CNKSR2: variants seen among roughly 807,000 people sequenced by gnomAD.
The protein encoded by CNKSR2 is CNK homolog protein 2.
Under a neutral mutation model 84.4 loss-of-function variants are expected in CNKSR2, and 14 were observed. The observed-to-expected ratio is 0.17, with a 90% CI of 0.11 to 0.26. CNKSR2 has a LOEUF of 0.26. Ranked by LOEUF, CNKSR2 falls within the 10% of genes least tolerant of loss-of-function variation. CNKSR2 has a pLI of 1.00. For missense variants in CNKSR2, 485 were observed against 771.2 expected, an observed-to-expected ratio of 0.63 and a Z score of 4.40; for synonymous variants, 275 against 277.9, an observed-to-expected ratio of 0.99 and a Z score of 0.10.
intron 13 of CNKSR2, among the ~76,000 whole-genome samples, chrX:21,581,707 A>G (rs1182587984): frequency 1.8e-5 from 2 of 112,272 alleles, no homozygotes; most frequent in Non-Finnish European, 3.8e-5. Flanking sequence ...TGTCCCACAC[A>G]TAGGTGGTGA....
intron 8 of CNKSR2, among the ~76,000 whole-genome samples, chrX:21,512,528 A>T (rs1318803347): frequency 9.0e-6 from 1 of 111,406 alleles, no homozygotes; most frequent in African/African-American, 3.3e-5. Context: ...AAGCATAGAA[A>T]ACTTCTACAC....
intron 2 of CNKSR2, among the ~76,000 whole-genome samples, chrX:21,430,213 G>A (rs1384333773): frequency 9.0e-6 from 1 of 111,167 alleles, no homozygotes. Flanking sequence ...AGGTTTCCAA[G>A]TTAGAACCTC....
chrX:21,604,743 T>G (rs1320142294), intron 18 of CNKSR2, among the ~76,000 whole-genome samples: 1 of 111,302 alleles, frequency 9.0e-6, no homozygotes, highest in Non-Finnish European at 1.9e-5. Flanking sequence ...GCTGGCAGGG[T>G]GATCTTTCCT....
At position 21,652,504 on chromosome X, in the gene CNKSR2, A is replaced by G; in HGVS notation, c.3088A>G (p.Ile1030Val). Residue 1030 changes from isoleucine to valine, a missense_variant, in exon 22 of 22, where the codon ATT becomes GTT. Transcript: ENST00000379510. ...CTCTCTAGCACACACTCATTCATAC[A>G]TTGAAACGCATGTCTAAATGTATTC... ...TSSLAHTHSYIETHV is the reference protein window; with the variant it reads ...TSSLAHTHSYVETHV The G allele has an allele frequency of 4.2e-6, 5 of 1,201,205 alleles. No individual in the cohort carries two copies. Among genetic ancestry groups the G allele is most frequent in the Non-Finnish European group, 5.6e-6 (5 of 885,924 alleles).
At chrX:21,426,446 A>G (rs767132260) in intron 1 of CNKSR2, 51 bp from the exon 2 acceptor site, 1 of 1,108,528 alleles carries the variant, frequency 9.0e-7, no homozygotes, top group Non-Finnish European at 1.2e-6. Flanking sequence ...CTTCACATTT[A>G]TTTGGTTTGA....
At chrX:21,611,370 G>C (rs2092549184) in intron 20 of CNKSR2, among the ~76,000 whole-genome samples, 1 of 112,140 alleles carries the variant, frequency 8.9e-6, no homozygotes, top group African/African-American at 3.2e-5. Flanking sequence ...CTCTGAAATA[G>C]AGAATTCTGT....
intron 5 of CNKSR2, among the ~76,000 whole-genome samples, chrX:21,486,773 T>C (rs2091389767): frequency 8.9e-6 from 1 of 111,858 alleles, no homozygotes; most frequent in South Asian, 3.7e-4. Flanking sequence ...TGTTTTAAAA[T>C]ATAAATTATA....
intron 20 of CNKSR2, among the ~76,000 whole-genome samples, chrX:21,612,538 G>T (rs1445365979): frequency 8.9e-6 from 1 of 112,152 alleles, no homozygotes; most frequent in Non-Finnish European, 1.9e-5. Flanking sequence ...AGTTTGCCAA[G>T]AAATTAAAAA....
At chrX:21,510,009 A>T (rs1396525476) in intron 8 of CNKSR2, among the ~76,000 whole-genome samples, 1 of 111,641 alleles carries the variant, frequency 9.0e-6, no homozygotes, top group East Asian at 2.8e-4. Context: ...GCAAAGACTG[A>T]GTGTCATTAG....
chrX:21,588,270 A>C (rs957353359), intron 13 of CNKSR2, among the ~76,000 whole-genome samples: 7 of 112,238 alleles, frequency 6.2e-5, no homozygotes, highest in African/African-American at 2.3e-4. Context: ...TTACCAGCCA[A>C]GTTCCTAGAT....
At chrX:21,631,494 T>C (rs980583755) in intron 20 of CNKSR2, among the ~76,000 whole-genome samples, 3 of 111,993 alleles carry the variant, frequency 2.7e-5, no homozygotes, top group African/African-American at 9.7e-5. Context: ...TATCTATCAT[T>C]TGGTGGAGAT....
At chrX:21,479,489 T>A (rs1195546147) in intron 5 of CNKSR2, among the ~76,000 whole-genome samples, 1 of 111,558 alleles carries the variant, frequency 9.0e-6, no homozygotes, top group Non-Finnish European at 1.9e-5. Flanking sequence ...ATAGTCACTG[T>A]CAATGTAAAG....
chrX:21,643,156 C>T (rs1240541529), intron 20 of CNKSR2: 1 of 110,591 alleles, frequency 9.0e-6, no homozygotes, highest in Admixed American at 9.7e-5. Context: ...GAATTCCTGC[C>T]TGAGAGCCAG....
chrX:21,396,191 A>T (rs1376336772), intron 1 of CNKSR2, among the ~76,000 whole-genome samples: 1 of 111,559 alleles, frequency 9.0e-6, no homozygotes, highest in East Asian at 2.8e-4. Context: ...ATATACAAAA[A>T]GTTTCAGGTG....
intron 1 of CNKSR2, among the ~76,000 whole-genome samples, chrX:21,416,346 T>C (rs1601760320): frequency 8.9e-6 from 1 of 111,759 alleles, no homozygotes; most frequent in East Asian, 2.8e-4. Flanking sequence ...CAGTTGCTAG[T>C]ATTTTGTTGA....
intron 1 of CNKSR2, among the ~76,000 whole-genome samples, chrX:21,415,749 A>G (rs965890351): frequency 9.5e-6 from 1 of 105,701 alleles, no homozygotes; most frequent in Non-Finnish European, 1.9e-5. Flanking sequence ...ACAAACCTGC[A>G]CGTTGTGCAC....
chrX:21,619,270 T>C (rs1278410400), intron 20 of CNKSR2, among the ~76,000 whole-genome samples: 2 of 112,294 alleles, frequency 1.8e-5, no homozygotes, highest in African/African-American at 3.2e-5. Flanking sequence ...TTAATGTTTC[T>C]TTTTATAATT....
At chrX:21,554,782 T>C (rs12689075) in intron 11 of CNKSR2, among the ~76,000 whole-genome samples, 5,155 of 111,291 alleles carry the variant, frequency 0.046, 452 homozygotes, top group East Asian at 0.28. Flanking sequence ...TGAATAGTGC[T>C]GCAATGAACA....
intron 11 of CNKSR2, among the ~76,000 whole-genome samples, chrX:21,551,289 A>G (rs938876809): frequency 8.9e-6 from 1 of 111,829 alleles, no homozygotes; most frequent in African/African-American, 3.3e-5. Flanking sequence ...GGGTGCAGCA[A>G]ACCACCATGG....
Sources: gnomAD v4.1 joint callset for allele counts (sites outside exome capture counted in the v4.1 genomes callset) on GRCh38, gnomAD v4.1.1 for gene constraint, MANE v1.5 for transcripts, NCBI Gene and HGNC (gene_info 2026-07-23, HGNC 2026-07-21) for gene names.